ARHGEF5: variants seen among roughly 807,000 people sequenced by gnomAD.
ARHGEF5 encodes Rho guanine nucleotide exchange factor (GEF) 5.
Under a neutral mutation model 104.0 loss-of-function variants are expected in ARHGEF5, and 11 were observed. That is an observed-to-expected ratio of 0.11 (90% CI 0.07 to 0.18). ARHGEF5 has a LOEUF of 0.18. ARHGEF5 is among the 10% of genes least tolerant of loss of function. The pLI is 1.00. For missense variants in ARHGEF5, 165 were observed against 1,335.4 expected (o/e 0.12, Z 13.66); for synonymous variants, 60 against 512.2 (o/e 0.12, Z 11.92).
chr7:144,378,748 C>A lies in ARHGEF5; in HGVS notation c.4532-14C>A. The A allele has an allele frequency of 1.2e-6, 2 of 1,610,946 alleles. No homozygotes were observed. Among genetic ancestry groups the A allele is most frequent in the Non-Finnish European group, 1.7e-6 (2 of 1,177,394 alleles). ...GCCTCTCCTAACCTCTCTTCACACT[C>A]TTCTCTTCCAAAGACTCCCCCCAGG... On this transcript the variant is annotated splice_polypyrimidine_tract_variant and intron_variant, in intron 13 of 14. Coordinates refer to ENST00000056217, the MANE Select transcript of ARHGEF5 (RefSeq NM_005435.4).
At chr7:144,373,072 A>T (rs527700142) in intron 9 of ARHGEF5, 123 bp from the exon 10 acceptor site, 2 of 754,344 alleles carry the variant, frequency 2.7e-6, no homozygotes, top group African/African-American at 3.9e-5. Flanking sequence ...TGCCTGCCCA[A>T]TTCCAGCCTG....
Position 144,380,045 on chromosome 7 carries a change from C to A in ARHGEF5, c.4783C>A (p.Gln1595Lys), listed in dbSNP as rs148911928. ...GACTGCCAAACTACAGCTGGTGGAA[C>A]AGCAAGCCTAAGTCTTCTCTGAGAG... ...VKTAKLQLVE[Q>K]QA Residue 1595 changes from glutamine (Q) to lysine (K), a missense_variant, in exon 15 of 15, where the codon CAG becomes AAG. Physicochemically the swap from Gln to Lys is moderately conservative, Grantham distance 53. Coordinates refer to ENST00000056217, the MANE Select transcript of ARHGEF5 (RefSeq NM_005435.4). 193 of 1,614,170 alleles carry A rather than the reference C, an allele frequency of 1.2e-4. 1 individual carries two copies. In the Middle Eastern group the frequency reaches 4.0e-3, roughly 33 times the overall value.
In ARHGEF5 at chr7:144,378,769, C is replaced by G. The variant is rs199997436; in HGVS notation, c.4539C>G (p.Pro1513=). The G allele has an allele frequency of 9.3e-6, 15 of 1,613,804 alleles. No homozygotes were observed. The Admixed American group carries it at 1.8e-4, about 20-fold the overall frequency. ...ELDLLECYNS[P]QVQCLRAYKP... The stretch of plus-strand genomic sequence containing the variant: ...CACTCTTCTCTTCCAAAGACTCCCC[C>G]CAGGTACAGTGCCTTCGAGCCTACA... The change falls in exon 14 of 15, where the codon CCC becomes CCG. Residue 1513 remains proline, a synonymous_variant. Coordinates refer to ENST00000056217, the MANE Select transcript of ARHGEF5 (RefSeq NM_005435.4).
intron 14 of ARHGEF5, 135 bp downstream of exon 14, chr7:144,379,001 C>T (rs927587478): frequency 2.3e-6 from 2 of 854,080 alleles, no homozygotes; most frequent in South Asian, 1.6e-5. Flanking sequence ...TGCATTCTCT[C>T]ACAGTTCTGG....
At chr7:144,375,926 A>T (rs1371803197) in intron 12 of ARHGEF5, among the ~76,000 whole-genome samples, 2 of 152,308 alleles carry the variant, frequency 1.3e-5, no homozygotes, top group Non-Finnish European at 2.9e-5. Flanking sequence ...CTCAAGAGGG[A>T]CAAGGTCTGT....
intron 5 of ARHGEF5, among the ~76,000 whole-genome samples, chr7:144,370,626 C>T (rs1275344829): frequency 6.5e-4 from 98 of 149,918 alleles, no homozygotes; most frequent in East Asian, 1.2e-3. Flanking sequence ...CCATCACATC[C>T]GGCTAATTTT....
At chr7:144,358,758 AGTGTGTGTGTGTGTGTGTGTGTGTGT>A (rs71222348) in intron 1 of ARHGEF5, among the ~76,000 whole-genome samples, 1 of 90,824 alleles carries the variant, frequency 1.1e-5, no homozygotes, top group Non-Finnish European at 2.3e-5. Context: ...AGGATGGCTC[AGTGTGTGTGTGTGTGTGTGTGTGTGT>A]GTGTGTGTGT....
At chr7:144,377,299 T>A in intron 13 of ARHGEF5, 109 bp downstream of exon 13, 1 of 1,538,366 alleles carries the variant, frequency 6.5e-7, no homozygotes, top group Non-Finnish European at 8.8e-7. Context: ...TTTATTGATA[T>A]TCCGTAAAAT....
chr7:144,380,382 G>T lies in ARHGEF5; in HGVS notation c.*326G>T. 4.5e-6 allele frequency: 1 copy of T among 220,952 alleles called. No individual in the cohort carries two copies. Among genetic ancestry groups the T allele is most frequent in the Non-Finnish European group, 9.2e-6 (1 of 108,860 alleles). 13.7% of individuals were successfully genotyped at this position (220,952 alleles called of 1,614,324 possible). A position where few individuals can be genotyped will look rare whatever the true frequency, so the allele number is the denominator to read the frequency against. On this transcript the variant is annotated 3_prime_UTR_variant, in exon 15 of 15. Transcript: ENST00000056217. ...TCTCCGCCTCCAGGGTGCAGATTCAGAGCTGGCCAGAGTTTCAGTGATAGC... is the reference window on the plus strand; with the variant it reads ...TCTCCGCCTCCAGGGTGCAGATTCATAGCTGGCCAGAGTTTCAGTGATAGC...
At chr7:144,377,727 A>G (rs2053771233) in intron 13 of ARHGEF5, among the ~76,000 whole-genome samples, 1 of 152,194 alleles carries the variant, frequency 6.6e-6, no homozygotes, top group African/African-American at 2.4e-5. Flanking sequence ...GTCCTCCAGC[A>G]AAGATTCCCT....
intron 5 of ARHGEF5, among the ~76,000 whole-genome samples, chr7:144,370,384 GCCT>G (rs2053713456): frequency 6.6e-6 from 1 of 152,264 alleles, no homozygotes; most frequent in Admixed American, 6.5e-5. Flanking sequence ...TACCCTTCAG[GCCT>G]CCTCGACTGC....
At position 144,378,884 on chromosome 7, in the gene ARHGEF5, T is replaced by G. The variant is rs1282848044; in HGVS notation, c.4636+18T>G. 5 of 1,609,526 alleles carry G rather than the reference T, an allele frequency of 3.1e-6. No individual in the cohort carries two copies. In the Admixed American group the frequency reaches 5.0e-5, roughly 16 times the overall value. On this transcript the variant is annotated intron_variant, in intron 14 of 14. Transcript: ENST00000056217. ...CAGTGACGGTAAGCGGGAGCATGCG[T>G]GAGCAGCAGGCCAGGCACTGCAGGC...
At chr7:144,372,914 C>G (rs2053733500) in intron 9 of ARHGEF5, among the ~76,000 whole-genome samples, 157 bp downstream of exon 9, 1 of 138,656 alleles carries the variant, frequency 7.2e-6, no homozygotes, top group Non-Finnish European at 1.6e-5. Context: ...ACATACACAC[C>G]CCACGGCCAC....
rs560656238 is a variant in ARHGEF5 at position 144,360,250 on chromosome 7, A to G, written c.-12-2408A>G. Among the ~76,000 whole-genome samples, 74 of 118,482 alleles carry G rather than the reference A, an allele frequency of 6.2e-4. 18 individuals are homozygous for G. The highest frequency in any genetic ancestry group is 1.0e-3 in the Non-Finnish European group (58 of 55,644). The allele number at this position is 118,482 out of a possible 152,430, so 77.7% of individuals were successfully genotyped here. A position where few individuals can be genotyped will look rare whatever the true frequency, so the allele number is the denominator to read the frequency against. On this transcript the variant is annotated intron_variant, in intron 1 of 14. Transcript: ENST00000056217. The stretch of plus-strand genomic sequence containing the variant: ...CTCAGCCTCCCGAGTAGCTGGAACT[A>G]CAGGCACGTGCCACCATGCTCCACT...
chr7:144,368,620 GATA>G (rs2053704045), intron 5 of ARHGEF5, among the ~76,000 whole-genome samples: 1 of 140,530 alleles, frequency 7.1e-6, no homozygotes, highest in Admixed American at 7.2e-5. Flanking sequence ...GCAAATTGAG[GATA>G]ATAATGCCTA....
chr7:144,377,413 G>T (rs867591068), intron 13 of ARHGEF5, among the ~76,000 whole-genome samples: 2 of 152,040 alleles, frequency 1.3e-5, no homozygotes, highest in Non-Finnish European at 2.9e-5. Flanking sequence ...TCCCTTCCTT[G>T]GGCAATAGTT....
Position 144,372,266 on chromosome 7 carries a change from TC to T in ARHGEF5, c.3846-27del, listed in dbSNP as rs1433033205. 38 of 449,614 alleles carry T rather than the reference TC, an allele frequency of 8.5e-5. No individual in the cohort carries two copies. The Middle Eastern group carries it at 1.6e-3, about 19-fold the overall frequency. The allele number at this position is 449,614 out of a possible 1,614,324, so 27.9% of individuals were successfully genotyped here. ...ACTGCATCCCCCATTGCTCCCCATA[TC>T]CCCCCTCCCCTAAGGCTCACTCTCC... On this transcript the variant is annotated intron_variant, in intron 7 of 14. Coordinates refer to ENST00000056217, the MANE Select transcript of ARHGEF5 (RefSeq NM_005435.4).
At chr7:144,378,719 C>T (rs1424513034) in intron 13 of ARHGEF5, 43 bp from the exon 14 acceptor site, 3 of 1,562,722 alleles carry the variant, frequency 1.9e-6, no homozygotes, top group Admixed American at 3.4e-5. Context: ...TGTTCCAATC[C>T]CCTGCCTCTC....
In ARHGEF5 at chr7:144,380,353, A is replaced by G; in HGVS notation, c.*297A>G. ...CCTTCTACTGCCTTATAGTGCTTAA[A>G]CATTCTCCGCCTCCAGGGTGCAGAT... On this transcript the variant is annotated 3_prime_UTR_variant, in exon 15 of 15. Coordinates refer to ENST00000056217, the MANE Select transcript of ARHGEF5 (RefSeq NM_005435.4). The G allele has an allele frequency of 3.8e-6, 1 of 261,492 alleles. No individual in the cohort carries two copies. The highest frequency in any genetic ancestry group is 7.4e-6 in the Non-Finnish European group (1 of 134,376). The allele number at this position is 261,492 out of a possible 1,614,324, so 16.2% of individuals were successfully genotyped here.
Sources: gnomAD v4.1 joint callset for allele counts (sites outside exome capture counted in the v4.1 genomes callset) on GRCh38, gnomAD v4.1.1 for gene constraint, MANE v1.5 for transcripts, NCBI Gene and HGNC (gene_info 2026-07-23, HGNC 2026-07-21) for gene names.